Variants in ADAMTS6 observed in about 807,000 individuals in gnomAD.
ADAMTS6 encodes the protein A disintegrin and metalloproteinase with thrombospondin motifs 6.
ADAMTS6 carries 23 observed loss-of-function variants against 144.3 expected under a neutral mutation model. The observed-to-expected ratio is 0.16, with a 90% confidence interval of 0.11 to 0.23. The LOEUF (loss-of-function observed/expected upper bound fraction) is 0.23. ADAMTS6 is among the 10% of genes least tolerant of loss of function. The pLI is 1.00. For synonymous variants in ADAMTS6, 444 were observed against 457.5 expected (o/e 0.97, Z 0.38); for missense variants, 999 against 1,379.6 (o/e 0.72, Z 4.37).
chr5:65,334,232 C>G, intron 7 of ADAMTS6, 147 bp from the exon 8 acceptor site: 10 of 845,186 alleles, frequency 1.2e-5, no homozygotes, highest in Non-Finnish European at 1.7e-5. Context: ...TTTCAGCACT[C>G]TACAGTGCTG....
In ADAMTS6 at chr5:65,307,289, C is replaced by T. The variant is rs564227353; in HGVS notation, c.1224-7158G>A. ...GACACTGAATTCCATTTTTACTAGT[C>T]ATCCCACTGAGCAAAAAGTATGTTT... On this transcript the variant is annotated intron_variant, in intron 9 of 24. Coordinates refer to ENST00000381055, the MANE Select transcript of ADAMTS6 (RefSeq NM_197941.4). Among the ~76,000 whole-genome samples, 3 of 152,300 alleles carry T rather than the reference C, an allele frequency of 2.0e-5. No individual in the cohort carries two copies. In the South Asian group the frequency reaches 6.2e-4, roughly 32 times the overall value.
chr5:65,393,050 T>G (rs1198561405), intron 7 of ADAMTS6, among the ~76,000 whole-genome samples: 1 of 152,128 alleles, frequency 6.6e-6, no homozygotes, highest in Non-Finnish European at 1.5e-5. Flanking sequence ...TAGATCTCAT[T>G]TATAGTCATT....
intron 7 of ADAMTS6, among the ~76,000 whole-genome samples, chr5:65,421,576 C>T (rs992041420): frequency 6.6e-6 from 1 of 152,152 alleles, no homozygotes; most frequent in African/African-American, 2.4e-5. Context: ...TCATATTACC[C>T]AGCTTCAAAT....
intron 8 of ADAMTS6, among the ~76,000 whole-genome samples, chr5:65,332,669 GATAACAAAATTGAGGAACAAA>G (rs1245130270): frequency 6.6e-6 from 1 of 151,914 alleles, no homozygotes; most frequent in Non-Finnish European, 1.5e-5. Context: ...CTACATCATA[GATAACAAAATTGAGGAACAAA>G]GAGCTTAAAT....
chr5:65,475,468 C>T (rs942281342), intron 1 of ADAMTS6, among the ~76,000 whole-genome samples: 2 of 152,086 alleles, frequency 1.3e-5, no homozygotes, highest in Admixed American at 1.3e-4. Flanking sequence ...CCTTGGAGAG[C>T]TCATAATCTA....
At chr5:65,315,662 C>A (rs1744914898) in intron 9 of ADAMTS6, among the ~76,000 whole-genome samples, 1 of 144,332 alleles carries the variant, frequency 6.9e-6, no homozygotes, top group Admixed American at 6.7e-5. Flanking sequence ...AAAAGATATA[C>A]CATGCTAACA....
chr5:65,163,484 C>A (rs1349513437), intron 24 of ADAMTS6, among the ~76,000 whole-genome samples: 2 of 152,078 alleles, frequency 1.3e-5, no homozygotes, highest in Non-Finnish European at 2.9e-5. Flanking sequence ...AAAAAACAGA[C>A]CATTTGCAAA....
chr5:65,277,688 T>C (rs1762654016), intron 11 of ADAMTS6, among the ~76,000 whole-genome samples: 1 of 152,170 alleles, frequency 6.6e-6, no homozygotes, highest in Non-Finnish European at 1.5e-5. Context: ...AGGGTCTGTA[T>C]GCTTATGGCA....
intron 20 of ADAMTS6, among the ~76,000 whole-genome samples, chr5:65,211,350 C>T (rs1347878149): frequency 6.6e-6 from 1 of 152,158 alleles, no homozygotes; most frequent in Admixed American, 6.5e-5. Flanking sequence ...GCCTGTAATC[C>T]TAGCACTCTG....
chr5:65,398,801 AAAGAAAGAAAGAAAGAAAG>A (rs1398262754), intron 7 of ADAMTS6, among the ~76,000 whole-genome samples: 1 of 109,308 alleles, frequency 9.1e-6, no homozygotes, highest in African/African-American at 3.7e-5. Context: ...AGAAAGAAAG[AAAGAAAGAAAGAAAGAAAG>A]AAAGAAAGAA....
Position 65,276,847 on chromosome 5 carries a change from G to A in ADAMTS6, c.1513-3400C>T, listed in dbSNP as rs563031921. 2.6e-5 allele frequency among the ~76,000 whole-genome samples: 4 copies of A among 152,300 alleles called. No individual in the cohort carries two copies. The South Asian group carries it at 8.3e-4, about 32-fold the overall frequency. Reference sequence around the variant, plus strand: ...GTGCTGAAGTATAGTGAGAAAGAATGATTTTCTTTTTTTCTTTTTACTATC... The same window carrying A: ...GTGCTGAAGTATAGTGAGAAAGAATAATTTTCTTTTTTTCTTTTTACTATC... On this transcript the variant is annotated intron_variant, in intron 11 of 24. Coordinates refer to ENST00000381055, the MANE Select transcript of ADAMTS6 (RefSeq NM_197941.4).
intron 6 of ADAMTS6, among the ~76,000 whole-genome samples, chr5:65,451,926 A>C (rs139409520): frequency 1.3e-5 from 2 of 152,342 alleles, no homozygotes; most frequent in East Asian, 3.9e-4. Flanking sequence ...AAACATAGCT[A>C]ATCTATATAG....
chr5:65,324,630 A>G (rs981050152), intron 9 of ADAMTS6, among the ~76,000 whole-genome samples: 5 of 152,022 alleles, frequency 3.3e-5, no homozygotes, highest in Admixed American at 6.6e-5. Flanking sequence ...GTGTATATAT[A>G]CACACATAAT....
chr5:65,231,980 A>G (rs1758282954), intron 15 of ADAMTS6, among the ~76,000 whole-genome samples: 4 of 151,958 alleles, frequency 2.6e-5, no homozygotes, highest in Admixed American at 6.6e-5. Flanking sequence ...TCATGGTGGT[A>G]CATGTCTGTA....
At position 65,371,189 on chromosome 5, in the gene ADAMTS6, C is replaced by T. The variant is rs955608438; in HGVS notation, c.1074-37104G>A. ...TGGGGAAAAAAACAGAGCAGAAAAA[C>T]TGGAAACTCTAAAAAGCAGAGCACC... On this transcript the variant is annotated intron_variant, in intron 7 of 24. Transcript: ENST00000381055. Among the ~76,000 whole-genome samples, 9 of 152,248 alleles carry T rather than the reference C, an allele frequency of 5.9e-5. No individual in the cohort carries two copies. The South Asian group carries it at 1.0e-3, about 18-fold the overall frequency.
intron 11 of ADAMTS6, among the ~76,000 whole-genome samples, chr5:65,285,100 T>C (rs1763264593): frequency 6.6e-6 from 1 of 152,144 alleles, no homozygotes. Context: ...AAGCCTTTAA[T>C]TTTCTAACAT....
chr5:65,170,116 G>A (rs1434839447), intron 24 of ADAMTS6, among the ~76,000 whole-genome samples: 1 of 152,112 alleles, frequency 6.6e-6, no homozygotes, highest in African/African-American at 2.4e-5. Context: ...TTTATAAACA[G>A]CTACATAATT....
chr5:65,320,211 A>G (rs1745474189), intron 9 of ADAMTS6, among the ~76,000 whole-genome samples: 2 of 152,200 alleles, frequency 1.3e-5, no homozygotes, highest in African/African-American at 4.8e-5. Flanking sequence ...ATCAAGAAAA[A>G]GGGGAGAAAA....
chr5:65,237,931 A>G (rs1190779210), intron 15 of ADAMTS6, among the ~76,000 whole-genome samples: 3 of 151,952 alleles, frequency 2.0e-5, no homozygotes, highest in African/African-American at 7.3e-5. Context: ...TACAAAAAAT[A>G]CAAAAATTAG....
Sources: gnomAD v4.1 joint callset for allele counts (sites outside exome capture counted in the v4.1 genomes callset) on GRCh38, gnomAD v4.1.1 for gene constraint, MANE v1.5 for transcripts, NCBI Gene and HGNC (gene_info 2026-07-23, HGNC 2026-07-21) for gene names.